Variants in CACNA1C observed in about 807,000 individuals in gnomAD.
The protein encoded by CACNA1C is calcium voltage-gated channel subunit alpha1 C.
Under a neutral mutation model 229.0 loss-of-function variants are expected in CACNA1C, and 30 were observed. The ratio of observed to expected loss-of-function variants is 0.13; its 90% CI spans 0.10 to 0.18. The LOEUF (loss-of-function observed/expected upper bound fraction) is 0.18, where lower values mean the gene tolerates loss of function less well. Ranked by LOEUF, CACNA1C falls within the 10% of genes least tolerant of loss-of-function variation. The pLI, the probability that CACNA1C is intolerant of heterozygous loss-of-function variation, is 1.00. For missense variants in CACNA1C, 1,658 were observed against 2,845.0 expected (o/e 0.58, Z 9.49); for synonymous variants, 1,114 against 1,132.5 (o/e 0.98, Z 0.33).
intron 27 of CACNA1C, among the ~76,000 whole-genome samples, chr12:2,610,131 G>C (rs215996): frequency 0.23 from 34,783 of 152,030 alleles, 4,264 homozygotes; most frequent in East Asian, 0.36. Context: ...AAAAACTGAG[G>C]AGAGAAGTAC....
At chr12:2,555,064 CTCTG>C (rs1260900446) in intron 10 of CACNA1C, among the ~76,000 whole-genome samples, 1 of 152,246 alleles carries the variant, frequency 6.6e-6, no homozygotes, top group Non-Finnish European at 1.5e-5. Flanking sequence ...GACAAGAAGG[CTCTG>C]TCCATTTCGT....
chr12:2,652,943 C>T (rs370767747), intron 32 of CACNA1C, among the ~76,000 whole-genome samples: 2 of 152,234 alleles, frequency 1.3e-5, no homozygotes, highest in Admixed American at 1.3e-4. Context: ...CGGGTGACTG[C>T]GAGGGCCTGA....
At chr12:2,146,046 C>G (rs1237661538) in intron 3 of CACNA1C, among the ~76,000 whole-genome samples, 1 of 151,202 alleles carries the variant, frequency 6.6e-6, no homozygotes, top group East Asian at 1.9e-4. Context: ...AATTGTGTAG[C>G]ATTCAAATGG....
chr12:2,679,466 A>C lies in CACNA1C; in HGVS notation c.5114A>C (p.Asn1705Thr). ...CAGAGGGCCGGTGGCCTGTTCGGCA[A>C]CCACGTCAGCTACTACCAAAGCGAC... ...IFRRAGGLFGNHVSYYQSDGR... is the reference protein window; with the variant it reads ...IFRRAGGLFGTHVSYYQSDGR... The change falls in exon 42 of 47, where the codon AAC becomes ACC. Residue 1705 changes from asparagine (N) to threonine (T), a missense_variant. This residue lies in a region of CACNA1C where 590 missense variants were observed against 700.8 expected (regional missense o/e 0.84). Coordinates refer to ENST00000399655, the MANE Select transcript of CACNA1C (RefSeq NM_000719.7). This position sits in a 1 kb window ranked among gnomAD's most constrained non-coding sequence, Gnocchi z 5.5. 1 of 1,584,204 alleles carries C rather than the reference A, an allele frequency of 6.3e-7. No individual in the cohort carries two copies. Among genetic ancestry groups the C allele is most frequent in the Non-Finnish European group, 8.6e-7 (1 of 1,163,468 alleles).
chr12:2,322,950 C>T (rs541766137), intron 3 of CACNA1C, among the ~76,000 whole-genome samples: 6 of 152,316 alleles, frequency 3.9e-5, no homozygotes, highest in Admixed American at 6.5e-5. Flanking sequence ...GCTGTCCCGA[C>T]GCTGTCTGTT....
intron 1 of CACNA1C, among the ~76,000 whole-genome samples, chr12:2,068,325 GGT>G (rs1187924313): frequency 6.6e-6 from 1 of 152,172 alleles, no homozygotes; most frequent in African/African-American, 2.4e-5. Context: ...AGAGGACTCT[GGT>G]TGGGAGGGGT....
At chr12:2,367,007 G>T (rs528057246) in intron 3 of CACNA1C, among the ~76,000 whole-genome samples, 15 of 152,288 alleles carry the variant, frequency 9.8e-5, no homozygotes, top group Admixed American at 2.6e-4. Context: ...ATTCAGTAAT[G>T]TCCCACCAGG....
chr12:2,502,820 A>G (rs1179014870), intron 7 of CACNA1C, among the ~76,000 whole-genome samples: 5 of 152,192 alleles, frequency 3.3e-5, no homozygotes. Flanking sequence ...GGGTATTACT[A>G]TCCCACCTGC....
intron 3 of CACNA1C, among the ~76,000 whole-genome samples, chr12:2,139,520 GGGCCA>G (rs1425319136): frequency 6.6e-6 from 1 of 151,268 alleles, no homozygotes; most frequent in African/African-American, 2.4e-5. Flanking sequence ...ATGTCTGTGA[GGGCCA>G]GGCCAGGCTG....
chr12:2,071,359 A>G (rs1021048544), intron 1 of CACNA1C, among the ~76,000 whole-genome samples: 4 of 151,146 alleles, frequency 2.6e-5, no homozygotes, highest in Non-Finnish European at 5.9e-5. Context: ...CTGGGACTGG[A>G]GATGTGCGGC....
Position 2,651,565 on chromosome 12 carries a change from T to G in CACNA1C, c.3946-75T>G. 1 of 1,612,098 alleles carries G rather than the reference T, an allele frequency of 6.2e-7. No individual in the cohort carries two copies. The highest frequency in any genetic ancestry group is 1.3e-5 in the African/African-American group (1 of 74,952). On this transcript the variant is annotated intron_variant, in intron 31 of 46. Transcript: ENST00000399655. The surrounding 1 kb of genome is among the most constrained non-coding windows in gnomAD (Gnocchi z 5.4). ...CCGCCACTGCCACTGAGGTCTGTAT[T>G]TCTCGGAGGGGCCCTCCTGTTCTCA...
intron 9 of CACNA1C, among the ~76,000 whole-genome samples, chr12:2,542,843 G>A: frequency 6.6e-6 from 1 of 152,082 alleles, no homozygotes; most frequent in East Asian, 1.9e-4. Context: ...CATGTTTGTG[G>A]GGTTGAGGGG....
At chr12:2,422,382 G>A (rs191743033) in intron 3 of CACNA1C, among the ~76,000 whole-genome samples, 23 of 152,226 alleles carry the variant, frequency 1.5e-4, no homozygotes, top group Non-Finnish European at 2.6e-4. Context: ...CTGAGCCTTC[G>A]TCCTTTTTTA....
At chr12:2,557,074 G>A (rs2044742592) in intron 11 of CACNA1C, 97 bp downstream of exon 11, 2 of 924,826 alleles carry the variant, frequency 2.2e-6, no homozygotes, top group African/African-American at 3.3e-5. Flanking sequence ...CAAGTTGCCA[G>A]TAGTGTAAGG....
At chr12:2,424,587 A>G (rs966820513) in intron 3 of CACNA1C, among the ~76,000 whole-genome samples, 1 of 152,248 alleles carries the variant, frequency 6.6e-6, no homozygotes. Context: ...TTTCTTTCAC[A>G]TGTGGGTAGG....
intron 18 of CACNA1C, among the ~76,000 whole-genome samples, chr12:2,592,521 T>C (rs1351784478): frequency 6.6e-6 from 1 of 152,184 alleles, no homozygotes; most frequent in African/African-American, 2.4e-5. Context: ...TGGGCAGTGC[T>C]TCCCGTCATG....
At chr12:2,282,381 A>G (rs76320859) in intron 3 of CACNA1C, among the ~76,000 whole-genome samples, 10,100 of 152,286 alleles carry the variant, frequency 0.066, 469 homozygotes, top group African/African-American at 0.12. Context: ...CTCTTGGCAG[A>G]CAGGGCTGAA....
At chr12:2,056,216 T>A (rs891883114) in intron 1 of CACNA1C, among the ~76,000 whole-genome samples, 2 of 139,740 alleles carry the variant, frequency 1.4e-5, no homozygotes, top group African/African-American at 5.6e-5. Flanking sequence ...TGTGTGTGTG[T>A]GTGTGTGTGT....
intron 3 of CACNA1C, among the ~76,000 whole-genome samples, chr12:2,430,942 A>G (rs1286228650): frequency 1.3e-5 from 2 of 150,158 alleles, no homozygotes; most frequent in Non-Finnish European, 3.0e-5. Flanking sequence ...CCAGCCACAC[A>G]TGGCTTCTCT....
Sources: gnomAD v4.1 joint callset for allele counts (sites outside exome capture counted in the v4.1 genomes callset) on GRCh38, gnomAD v4.1.1 for gene constraint, gnomAD v4.1.1 regional missense constraint, Gnocchi (gnomAD v3.1) non-coding constraint, MANE v1.5 for transcripts, NCBI Gene and HGNC (gene_info 2026-07-23, HGNC 2026-07-21) for gene names.